The following SLC14A2 variants were observed in gnomAD, a reference collection of about 807,000 sequenced individuals.
The protein encoded by SLC14A2 is solute carrier family 14 member 2.
In SLC14A2, 91 loss-of-function variants were observed where a neutral mutation model predicts 104.6. The observed-to-expected ratio is 0.87, with a 90% CI of 0.73 to 1.04. The LOEUF (loss-of-function observed/expected upper bound fraction) is 1.04, where lower values mean the gene tolerates loss of function less well. Among genes scored for constraint, SLC14A2 ranks in the 50% least tolerant of loss-of-function variants. The pLI, the probability that SLC14A2 is intolerant of heterozygous loss-of-function variation, is 0.00. For synonymous variants in SLC14A2, 476 were observed against 466.4 expected (o/e 1.02, Z -0.27); for missense variants, 1,189 against 1,156.0 (o/e 1.03, Z -0.41).
the SLC14A2 span, among the ~76,000 whole-genome samples, chr18:45,175,649 C>T: frequency 6.6e-6 from 1 of 152,092 alleles, no homozygotes; most frequent in Non-Finnish European, 1.5e-5. Context: ...AAATAAGACT[C>T]AGGTTCAGTA....
chr18:45,204,010 T>G, the SLC14A2 span, among the ~76,000 whole-genome samples: 1 of 152,212 alleles, frequency 6.6e-6, no homozygotes, highest in Admixed American at 6.5e-5. Flanking sequence ...CACATTTTTT[T>G]CTGTAGGGGT....
At chr18:45,575,496 C>G (rs2044406262) in intron 2 of SLC14A2, among the ~76,000 whole-genome samples, 1 of 152,134 alleles carries the variant, frequency 6.6e-6, no homozygotes, top group Admixed American at 6.5e-5. Flanking sequence ...CCCCTTCACA[C>G]ACACTAGGCA....
intron 2 of SLC14A2, among the ~76,000 whole-genome samples, chr18:45,598,527 C>T (rs763303447): frequency 3.3e-5 from 5 of 152,118 alleles, no homozygotes; most frequent in Non-Finnish European, 7.3e-5. Flanking sequence ...TATTTTATGA[C>T]TGTGTTGGTA....
intron 1 of SLC14A2, among the ~76,000 whole-genome samples, chr18:45,260,020 C>A (rs1031333217): frequency 1.3e-5 from 2 of 152,164 alleles, no homozygotes; most frequent in Admixed American, 1.3e-4. Flanking sequence ...TAACTACTCC[C>A]TTAGCAAACT....
intron 1 of SLC14A2, among the ~76,000 whole-genome samples, chr18:45,348,673 C>A (rs539027959): frequency 1.3e-5 from 2 of 152,324 alleles, no homozygotes; most frequent in East Asian, 3.9e-4. Flanking sequence ...TAATTCTGTA[C>A]GTGCCATATC....
intron 1 of SLC14A2, among the ~76,000 whole-genome samples, chr18:45,616,978 G>T (rs2045082367): frequency 6.6e-6 from 1 of 152,112 alleles, no homozygotes; most frequent in Admixed American, 6.5e-5. Context: ...TGCGCCGGTA[G>T]TCCCAGCTAC....
intron 9 of SLC14A2, 99 bp from the exon 10 acceptor site, chr18:45,643,887 C>A: frequency 9.8e-7 from 1 of 1,015,650 alleles, no homozygotes; most frequent in Non-Finnish European, 1.5e-6. Flanking sequence ...GAGGGAGGAT[C>A]TCCATCCTCA....
At chr18:45,367,359 C>A (rs2085676423) in intron 1 of SLC14A2, among the ~76,000 whole-genome samples, 1 of 152,140 alleles carries the variant, frequency 6.6e-6, no homozygotes, top group Non-Finnish European at 1.5e-5. Flanking sequence ...GTCCTTGCCT[C>A]CTTATATCTT....
At chr18:45,507,302 G>GAA (rs1252329445) in intron 2 of SLC14A2, 1 of 152,532 alleles carries the variant, frequency 6.6e-6, no homozygotes, top group Non-Finnish European at 1.5e-5. Context: ...GACCGGCAGA[G>GAA]AAGTCAATGC....
the SLC14A2 span, among the ~76,000 whole-genome samples, chr18:45,172,041 A>G: frequency 1.3e-5 from 2 of 152,164 alleles, no homozygotes; most frequent in Non-Finnish European, 2.9e-5. Context: ...GTGCCAGAAA[A>G]TAATCTTCCA....
intron 2 of SLC14A2, among the ~76,000 whole-genome samples, chr18:45,577,962 A>C (rs1038519038): frequency 2.0e-5 from 3 of 152,202 alleles, no homozygotes; most frequent in Non-Finnish European, 4.4e-5. Context: ...ACCTTAAAGG[A>C]CATAGAGGCA....
At position 45,668,334 on chromosome 18, in the gene SLC14A2, T is replaced by C; in HGVS notation, c.1908-15T>C. The C allele has an allele frequency of 6.2e-7, 1 of 1,613,690 alleles. No individual in the cohort carries two copies. Among genetic ancestry groups the C allele is most frequent in the Non-Finnish European group, 8.5e-7 (1 of 1,179,890 alleles). ...GGGAAGCCCCTGCTCCACCTGACCC[T>C]CCCTCTCCTGCCAGGTCGGCCATCG... On this transcript the variant is annotated splice_polypyrimidine_tract_variant and intron_variant, in intron 14 of 19. Coordinates refer to ENST00000255226, the MANE Select transcript of SLC14A2 (RefSeq NM_007163.4).
chr18:45,544,260 C>T (rs2043933375), intron 2 of SLC14A2, among the ~76,000 whole-genome samples: 1 of 152,126 alleles, frequency 6.6e-6, no homozygotes, highest in African/African-American at 2.4e-5. Flanking sequence ...TGTGATCATC[C>T]CAGCCTCCAA....
At chr18:45,273,218 ACCAT>A (rs1042988554) in intron 1 of SLC14A2, among the ~76,000 whole-genome samples, 14 of 152,132 alleles carry the variant, frequency 9.2e-5, no homozygotes, top group African/African-American at 3.4e-4. Context: ...AAGTAAAATG[ACCAT>A]CCAACAGTTC....
the SLC14A2 span, among the ~76,000 whole-genome samples, chr18:45,175,239 G>T: frequency 6.6e-6 from 1 of 152,066 alleles, no homozygotes; most frequent in Admixed American, 6.6e-5. Flanking sequence ...GTCAATAAGG[G>T]CCTTTAAAAT....
At chr18:45,172,777 C>T in the SLC14A2 span, among the ~76,000 whole-genome samples, 37 of 152,084 alleles carry the variant, frequency 2.4e-4, no homozygotes, top group Admixed American at 2.4e-3. Context: ...TTGTCTCAAC[C>T]TTGATGGAAG....
At chr18:45,495,521 A>G (rs1424072846) in intron 2 of SLC14A2, among the ~76,000 whole-genome samples, 1 of 152,210 alleles carries the variant, frequency 6.6e-6, no homozygotes, top group East Asian at 1.9e-4. Context: ...CCTTGAGGAC[A>G]GATCAGAGGA....
chr18:45,421,557 A>C (rs2086349483), intron 1 of SLC14A2, among the ~76,000 whole-genome samples: 1 of 152,202 alleles, frequency 6.6e-6, no homozygotes, highest in East Asian at 1.9e-4. Flanking sequence ...GCCATGTGTT[A>C]AGGCGATGTT....
intron 1 of SLC14A2, among the ~76,000 whole-genome samples, chr18:45,247,279 T>C (rs1723101112): frequency 2.0e-5 from 3 of 152,236 alleles, no homozygotes; most frequent in Non-Finnish European, 4.4e-5. Context: ...TTTAGAAAAA[T>C]TGATTTATAC....
Sources: gnomAD v4.1 joint callset for allele counts (sites outside exome capture counted in the v4.1 genomes callset) on GRCh38, gnomAD v4.1.1 for gene constraint, MANE v1.5 for transcripts, NCBI Gene and HGNC (gene_info 2026-07-23, HGNC 2026-07-21) for gene names.